ZNF544: variants seen among roughly 807,000 people sequenced by gnomAD.
The protein encoded by ZNF544 is zinc finger protein 544, also known as zinc finger protein AF020591.
A neutral mutation model predicts 13.5 loss-of-function variants in ZNF544; 10 were observed. The ratio of observed to expected loss-of-function variants is 0.74; its 90% confidence interval spans 0.46 to 1.25. The LOEUF is 1.25. Among genes scored for constraint, ZNF544 ranks in the 50% most tolerant of loss-of-function variants. The pLI is 0.00. For synonymous variants in ZNF544, 323 were observed against 300.5 expected (o/e 1.07, Z -0.77); for missense variants, 896 against 845.6 (o/e 1.06, Z -0.74).
At chr19:58,265,263 T>A (rs1434750967), downstream of ZNF544, among the ~76,000 whole-genome samples, 1 of 151,228 alleles carries the variant, frequency 6.6e-6, no homozygotes, top group Admixed American at 6.7e-5. Context: ...GTGGGGAGAC[T>A]AGAAGAGGCC....
intron 3 of ZNF544, among the ~76,000 whole-genome samples, chr19:58,233,684 G>C (rs1389147123): frequency 6.6e-6 from 1 of 152,126 alleles, no homozygotes; most frequent in Non-Finnish European, 1.5e-5. Context: ...GTAAATCATT[G>C]AATTCCCTTG....
At chr19:58,273,087 A>G (rs1476913059) in intron 5 of ZNF544, among the ~76,000 whole-genome samples, 1 of 151,670 alleles carries the variant, frequency 6.6e-6, no homozygotes, top group Non-Finnish European at 1.5e-5. Flanking sequence ...AGGCTGAGGC[A>G]GGAGAATCGC....
rs1293979512 is a variant in ZNF544 at position 58,262,972 on chromosome 19, G to GAC, written c.*225_*226dup. On this transcript the variant is annotated 3_prime_UTR_variant, in exon 7 of 7. Transcript: ENST00000687789. ...GCTCAACCCTTAGTAAACACGAGAG[G>GAC]ACACACACTGGAGGCAAACCCTATG... The GAC allele has an allele frequency of 7.4e-5, 101 of 1,359,350 alleles. No individual in the cohort carries two copies. The highest frequency in any genetic ancestry group is 9.2e-5 in the Non-Finnish European group (97 of 1,056,632). The allele number at this position is 1,359,350 out of a possible 1,614,324, so 84.2% of individuals were successfully genotyped here.
intron 3 of ZNF544, among the ~76,000 whole-genome samples, chr19:58,231,072 CAG>C (rs2041113223): frequency 6.6e-6 from 1 of 152,098 alleles, no homozygotes; most frequent in Non-Finnish European, 1.5e-5. Flanking sequence ...ACCCAGAACT[CAG>C]AAACTAGCAG....
chr19:58,249,945 T>C (rs1216517757), intron 6 of ZNF544, among the ~76,000 whole-genome samples: 2 of 152,210 alleles, frequency 1.3e-5, no homozygotes, highest in East Asian at 3.8e-4. Flanking sequence ...CCGCGGTTAT[T>C]TGTAGTCCTA....
At chr19:58,273,722 A>G (rs2050958935) in intron 5 of ZNF544, among the ~76,000 whole-genome samples, 1 of 151,610 alleles carries the variant, frequency 6.6e-6, no homozygotes, top group Non-Finnish European at 1.5e-5. Flanking sequence ...TCTGTAGACA[A>G]GTGTGTCTCA....
rs756031079 is a variant in ZNF544, at chr19:58,260,903, T to C, written c.297T>C (p.Ala99=). The change falls in exon 7 of 7, where the codon GCT becomes GCC. Residue 99 remains alanine, a synonymous_variant. Coordinates refer to ENST00000687789, the MANE Select transcript of ZNF544 (RefSeq NM_014480.4). ...ENRLNSEKDR[A]REELSHHVEV... The stretch of plus-strand genomic sequence containing the variant: ...GGTTGAATTCTGAAAAAGATCGAGC[T>C]AGGGAAGAACTATCCCACCACGTGG... 2 of 1,612,900 alleles carry C rather than the reference T, an allele frequency of 1.2e-6. No individual in the cohort carries two copies. The highest frequency in any genetic ancestry group is 4.5e-5 in the East Asian group (2 of 44,872).
At chr19:58,243,196 G>A (rs376673645) in intron 3 of ZNF544, among the ~76,000 whole-genome samples, 4 of 152,052 alleles carry the variant, frequency 2.6e-5, no homozygotes, top group African/African-American at 9.7e-5. Flanking sequence ...CCATCAGGTC[G>A]AGTGAGCGTA....
At chr19:58,240,640 T>A (rs2146808204) in intron 3 of ZNF544, among the ~76,000 whole-genome samples, 1 of 152,140 alleles carries the variant, frequency 6.6e-6, no homozygotes, top group East Asian at 2.0e-4. Context: ...TGCGCGCCTG[T>A]GATCCCAGCT....
At chr19:58,275,198 A>C (rs1568518456) in intron 5 of ZNF544, among the ~76,000 whole-genome samples, 1 of 152,214 alleles carries the variant, frequency 6.6e-6, no homozygotes, top group East Asian at 1.9e-4. Flanking sequence ...GAGCCCCCCC[A>C]CACTTGTCTC....
Position 58,277,313 on chromosome 19 carries a change from C to G in ZNF544, c.*62C>G, listed in dbSNP as rs528957922. On this transcript the variant is annotated 3_prime_UTR_variant, in exon 7 of 7. Transcript: ENST00000595981. Reference sequence around the variant, plus strand: ...TGGCCAGCTTGAGCCCCTCGGGAGTCAGCTCCTCCGTCCCCACTGGTAACG... The same window carrying G: ...TGGCCAGCTTGAGCCCCTCGGGAGTGAGCTCCTCCGTCCCCACTGGTAACG... 108 of 1,201,860 alleles carry G rather than the reference C, an allele frequency of 9.0e-5. No individual in the cohort carries two copies. The African/African-American group carries it at 1.6e-3, about 17-fold the overall frequency. The allele number at this position is 1,201,860 out of a possible 1,614,324, so 74.4% of individuals were successfully genotyped here.
chr19:58,264,054 T>G (rs555326511), downstream of ZNF544: 47 of 144,932 alleles, frequency 3.2e-4, no homozygotes, highest in African/African-American at 1.2e-3. Context: ...GAGATCACAC[T>G]ACTGCACTCC....
At chr19:58,237,146 C>T (rs370922907) in intron 3 of ZNF544, among the ~76,000 whole-genome samples, 5 of 150,756 alleles carry the variant, frequency 3.3e-5, no homozygotes, top group African/African-American at 9.8e-5. Context: ...CTCACTGCAG[C>T]GTCTGTTCCC....
chr19:58,267,676 TAA>T (rs56839702), downstream of ZNF544: 45 of 108,948 alleles, frequency 4.1e-4, no homozygotes, highest in Non-Finnish European at 6.9e-4. Context: ...AGACTCCATC[TAA>T]AAAAAAAAAA....
intron 5 of ZNF544, among the ~76,000 whole-genome samples, chr19:58,274,035 C>G (rs2051012269): frequency 6.6e-6 from 1 of 152,116 alleles, no homozygotes; most frequent in Admixed American, 6.5e-5. Flanking sequence ...ATCTCATGGT[C>G]TGCCCACCTC....
intron 3 of ZNF544, 158 bp downstream of exon 3, chr19:58,230,620 A>T (rs2040999911): frequency 6.5e-6 from 1 of 152,714 alleles, no homozygotes; most frequent in East Asian, 1.9e-4. Context: ...AGGACAAGAT[A>T]GTAACACATA....
Position 58,262,225 on chromosome 19 carries a change from G to A in ZNF544, c.1619G>A (p.Arg540Gln), listed in dbSNP as rs151021080. 100 of 1,613,842 alleles carry A rather than the reference G, an allele frequency of 6.2e-5. No individual in the cohort carries two copies. The African/African-American group carries it at 8.0e-4, about 13-fold the overall frequency. ...SQSSKLITHQ[R>Q]IHTGEKPYQC... is the part of the protein sequence containing the mutation. ...AGTTCCAAACTTATTACGCATCAGC[G>A]AATTCACACTGGAGAAAAACCGTAT... The change falls in exon 7 of 7, where the codon CGA becomes CAA. Residue 540 changes from arginine (R) to glutamine (Q), a missense_variant. Coordinates refer to ENST00000687789, the MANE Select transcript of ZNF544 (RefSeq NM_014480.4).
chr19:58,265,086 G>C (rs2049689645), downstream of ZNF544, among the ~76,000 whole-genome samples: 1 of 152,140 alleles, frequency 6.6e-6, no homozygotes. Context: ...TGCTCAGTTG[G>C]TTTGATTGTA....
intron 6 of ZNF544, chr19:58,277,077 C>A: frequency 1.4e-6 from 1 of 703,782 alleles, no homozygotes; most frequent in Non-Finnish European, 2.0e-6. Flanking sequence ...CTAAGTGACT[C>A]TGTCTTGGTT....
Sources: allele counts gnomAD v4.1 joint callset (sites outside exome capture counted in the v4.1 genomes callset), GRCh38; gene constraint gnomAD v4.1.1; transcripts MANE v1.5; gene names NCBI Gene and HGNC (gene_info 2026-07-23, HGNC 2026-07-21).